LHPP: variants seen among roughly 807,000 people sequenced by gnomAD.
LHPP encodes hLHPP.
Under a neutral mutation model 30.3 loss-of-function variants are expected in LHPP, and 24 were observed. The ratio of observed to expected loss-of-function variants is 0.79; its 90% confidence interval spans 0.57 to 1.11. LHPP has a LOEUF of 1.11. LHPP is among the 50% of genes most tolerant of loss of function. LHPP has a pLI of 0.00. For missense variants in LHPP, 356 were observed against 367.2 expected (o/e 0.97, Z 0.25); for synonymous variants, 150 against 157.1 (o/e 0.95, Z 0.34).
At chr10:124,498,307 T>C (rs1953791062) in intron 5 of LHPP, 179 bp downstream of exon 5, 4 of 1,579,378 alleles carry the variant, frequency 2.5e-6, no homozygotes, top group Middle Eastern at 1.7e-4. Flanking sequence ...CGAAATCCAC[T>C]GAATAGTTTC....
At chr10:124,514,861 G>T (rs1053258933) in intron 5 of LHPP, among the ~76,000 whole-genome samples, 1 of 151,750 alleles carries the variant, frequency 6.6e-6, no homozygotes, top group Non-Finnish European at 1.5e-5. Flanking sequence ...GAGTGCAGTG[G>T]CACAAACACA....
chr10:124,483,718 C>G (rs747498088), intron 1 of LHPP, among the ~76,000 whole-genome samples: 1 of 152,048 alleles, frequency 6.6e-6, no homozygotes, highest in African/African-American at 2.4e-5. Flanking sequence ...GATCATGCCA[C>G]TGCACTCCAG....
intron 1 of LHPP, among the ~76,000 whole-genome samples, chr10:124,474,151 T>C (rs2133827159): frequency 6.9e-6 from 1 of 145,186 alleles, no homozygotes; most frequent in African/African-American, 2.5e-5. Flanking sequence ...TTTTTTTTTT[T>C]TTTTTTGAGA....
chr10:124,494,041 T>C (rs1953624364), intron 3 of LHPP, among the ~76,000 whole-genome samples: 1 of 152,244 alleles, frequency 6.6e-6, no homozygotes, highest in Non-Finnish European at 1.5e-5. Flanking sequence ...CATTTTGATT[T>C]CTGGAAGTTC....
chr10:124,561,006 A>G (rs1948386857), intron 6 of LHPP, among the ~76,000 whole-genome samples: 1 of 152,150 alleles, frequency 6.6e-6, no homozygotes, highest in Admixed American at 6.5e-5. Context: ...GGAAGAGAGG[A>G]GAAGGCAGAC....
intron 5 of LHPP, among the ~76,000 whole-genome samples, chr10:124,506,153 G>A (rs1473319069): frequency 3.3e-5 from 5 of 152,054 alleles, no homozygotes; most frequent in Non-Finnish European, 5.9e-5. Flanking sequence ...GGAAGCTGAC[G>A]CACGAGATTC....
rs1316238679 is a variant in LHPP at position 124,613,515 on chromosome 10, G to A, written c.*155G>A. 2 of 639,920 alleles carry A rather than the reference G, an allele frequency of 3.1e-6. No homozygotes were observed. The highest frequency in any genetic ancestry group is 3.7e-5 in the African/African-American group (2 of 54,546). The allele number at this position is 639,920 out of a possible 1,614,324, so 39.6% of individuals were successfully genotyped here. ...CTGCCTCCCCTCCACCTGCCCCAGTGCCCAGACCAACCAAGGCCCTGACAG... is the reference window on the plus strand; with the variant it reads ...CTGCCTCCCCTCCACCTGCCCCAGTACCCAGACCAACCAAGGCCCTGACAG... On this transcript the variant is annotated 3_prime_UTR_variant, in exon 7 of 7. Coordinates refer to ENST00000368842, the MANE Select transcript of LHPP (RefSeq NM_022126.4).
At chr10:124,476,995 C>T (rs1346572424) in intron 1 of LHPP, among the ~76,000 whole-genome samples, 3 of 152,184 alleles carry the variant, frequency 2.0e-5, no homozygotes, top group Non-Finnish European at 4.4e-5. Flanking sequence ...ATCACGAGGT[C>T]AGGAGTTCAA....
chr10:124,547,141 A>G (rs1955369247), intron 6 of LHPP, among the ~76,000 whole-genome samples: 1 of 152,078 alleles, frequency 6.6e-6, no homozygotes, highest in South Asian at 2.1e-4. Context: ...CGTCCCAGAT[A>G]CCACTTTCTA....
In LHPP at chr10:124,613,645, A is replaced by G; in HGVS notation, c.*285A>G. 2.0e-6 allele frequency: 1 copy of G among 511,886 alleles called. No individual in the cohort carries two copies. Among genetic ancestry groups the G allele is most frequent in the Non-Finnish European group, 3.6e-6 (1 of 280,738 alleles). 31.7% of individuals were successfully genotyped at this position (511,886 alleles called of 1,614,324 possible). ...ACTTCAGCTCCCTGTAGTGAAGTCC[A>G]GGAGGGTGGGACAGGCCTGTCAGGC... On this transcript the variant is annotated 3_prime_UTR_variant, in exon 7 of 7. Transcript: ENST00000368842.
chr10:124,496,376 G>A lies in LHPP; in HGVS notation c.468-585G>A, dbSNP rs777741931. On this transcript the variant is annotated intron_variant, in intron 3 of 6. Transcript: ENST00000368842. The surrounding 1 kb of genome is among the most constrained non-coding windows in gnomAD (Gnocchi z 4.3). The stretch of plus-strand genomic sequence containing the variant: ...CATTTTGAGAGAGGAATGCTCCCTC[G>A]TGCAGAGCCTGTCTCCACCTCCATG... Among the ~76,000 whole-genome samples the A allele has an allele frequency of 2.0e-5, 3 of 152,214 alleles. No individual in the cohort carries two copies. Among genetic ancestry groups the A allele is most frequent in the Admixed American group, 1.3e-4 (2 of 15,292 alleles).
chr10:124,501,596 T>C (rs1953900797), intron 5 of LHPP, among the ~76,000 whole-genome samples: 2 of 142,062 alleles, frequency 1.4e-5, no homozygotes, highest in Admixed American at 7.0e-5. Flanking sequence ...AGCCAGACTC[T>C]GTCTTAAAAA....
At chr10:124,575,311 A>G (rs2133985055) in intron 6 of LHPP, among the ~76,000 whole-genome samples, 1 of 152,180 alleles carries the variant, frequency 6.6e-6, no homozygotes, top group East Asian at 1.9e-4. Context: ...CAGCCTAACC[A>G]TGGGGAGCAT....
intron 1 of LHPP, among the ~76,000 whole-genome samples, chr10:124,464,207 G>A (rs368494857): frequency 9.8e-5 from 15 of 152,324 alleles, no homozygotes; most frequent in African/African-American, 3.4e-4. Context: ...ACTGCCATGT[G>A]TTGATAGGCA....
intron 5 of LHPP, chr10:124,498,768 C>G (rs369837208): frequency 8.7e-6 from 4 of 458,864 alleles, no homozygotes; most frequent in South Asian, 1.6e-5. Flanking sequence ...CTCCCAGGCT[C>G]AAGCGATCCT....
At chr10:124,583,772 A>G (rs560795447) in intron 6 of LHPP, among the ~76,000 whole-genome samples, 1 of 152,298 alleles carries the variant, frequency 6.6e-6, no homozygotes, top group East Asian at 1.9e-4. Flanking sequence ...ACCTCCCACC[A>G]TGCCCCACCT....
At chr10:124,611,099 G>A (rs1949191733) in intron 6 of LHPP, among the ~76,000 whole-genome samples, 1 of 151,948 alleles carries the variant, frequency 6.6e-6, no homozygotes, top group Admixed American at 6.6e-5. Flanking sequence ...TCCTACTTTG[G>A]TGTGTGCTCA....
chr10:124,607,545 T>A (rs1003338395), intron 6 of LHPP, among the ~76,000 whole-genome samples: 6 of 152,244 alleles, frequency 3.9e-5, no homozygotes, highest in Non-Finnish European at 8.8e-5. Context: ...GGAGTGGGGC[T>A]GGCCGGATTC....
At chr10:124,566,323 C>A (rs888411329) in intron 6 of LHPP, among the ~76,000 whole-genome samples, 2 of 152,194 alleles carry the variant, frequency 1.3e-5, no homozygotes, top group African/African-American at 4.8e-5. Context: ...CCCTGGGGGA[C>A]ACACTCTGCT....
Sources: allele counts gnomAD v4.1 joint callset (sites outside exome capture counted in the v4.1 genomes callset), GRCh38; gene constraint gnomAD v4.1.1; non-coding constraint Gnocchi (gnomAD v3.1); transcripts MANE v1.5; gene names NCBI Gene and HGNC (gene_info 2026-07-23, HGNC 2026-07-21).